ZRANB1: variants seen among roughly 807,000 people sequenced by gnomAD.
ZRANB1 encodes ubiquitin thioesterase ZRANB1.
ZRANB1 carries 16 observed loss-of-function variants against 80.5 expected under a neutral mutation model. That is an observed-to-expected ratio of 0.20 (90% CI 0.13 to 0.30). ZRANB1 has a LOEUF of 0.30. Ranked by LOEUF, ZRANB1 falls within the 10% of genes least tolerant of loss-of-function variation. The pLI is 1.00. For missense variants in ZRANB1, 576 were observed against 862.6 expected, an observed-to-expected ratio of 0.67 and a Z score of 4.16; for synonymous variants, 291 against 293.1, an observed-to-expected ratio of 0.99 and a Z score of 0.07.
chr10:124,929,499 C>G, the ZRANB1 span, among the ~76,000 whole-genome samples: 1 of 151,812 alleles, frequency 6.6e-6, no homozygotes, highest in African/African-American at 2.4e-5. Flanking sequence ...CCACACCTGG[C>G]TAATTTTTTT....
chr10:124,938,361 C>CA (rs1464111340), upstream of ZRANB1, among the ~76,000 whole-genome samples: 4 of 149,972 alleles, frequency 2.7e-5, no homozygotes, highest in Non-Finnish European at 3.0e-5. Context: ...TTTTTTGAGA[C>CA]AAAGTCTCAC....
intron 2 of ZRANB1, among the ~76,000 whole-genome samples, chr10:124,969,128 C>T (rs1214259172): frequency 6.6e-6 from 1 of 152,212 alleles, no homozygotes; most frequent in African/African-American, 2.4e-5. Context: ...CATGATACAG[C>T]AGCTGGTTTT....
At position 124,973,685 on chromosome 10, in the gene ZRANB1, T is replaced by C. The variant is rs765640593; in HGVS notation, c.1197T>C (p.Phe399=). 43 of 1,612,894 alleles carry C rather than the reference T, an allele frequency of 2.7e-5. No homozygotes were observed. In the South Asian group the frequency reaches 4.6e-4, roughly 17 times the overall value. The change falls in exon 4 of 9, where the codon TTT becomes TTC. Residue 399 remains phenylalanine, a synonymous_variant. Transcript: ENST00000359653. ...DLPPTVQEKL[F]DEVLDRDVQK... ...CCCCAACAGTCCAAGAAAAATTATTTGATGAGGTGCTTGATAGAGACGTTC... is the reference window on the plus strand; with the variant it reads ...CCCCAACAGTCCAAGAAAAATTATTCGATGAGGTGCTTGATAGAGACGTTC...
At chr10:124,957,674 CT>C (rs1564960037) in intron 1 of ZRANB1, among the ~76,000 whole-genome samples, 2 of 151,922 alleles carry the variant, frequency 1.3e-5, no homozygotes, top group African/African-American at 2.4e-5. Context: ...GCTTATTTCA[CT>C]TAGTATAATG....
At chr10:124,979,959 A>G (rs1162141451) in intron 5 of ZRANB1, among the ~76,000 whole-genome samples, 1 of 152,218 alleles carries the variant, frequency 6.6e-6, no homozygotes, top group African/African-American at 2.4e-5. Context: ...TCTGGACTGT[A>G]AGTCATTTGA....
At chr10:124,984,501 A>G (rs1356908660) in intron 8 of ZRANB1, 2 of 401,694 alleles carry the variant, frequency 5.0e-6, no homozygotes, top group African/African-American at 4.1e-5. Flanking sequence ...GTTTATTAGG[A>G]CATTTGTTTT....
In ZRANB1 at chr10:124,974,055, A is replaced by G. The variant is rs995632037; in HGVS notation, c.1229-145A>G. On this transcript the variant is annotated intron_variant, in intron 4 of 8. Transcript: ENST00000359653. ...ATGTTTCAAGTACTCAAAAGTTTAT[A>G]TTTCAATTGGTCAATTTTATTTAGG... 7.0e-5 allele frequency: 50 copies of G among 716,666 alleles called. No homozygotes were observed. In the Admixed American group the frequency reaches 1.1e-3, roughly 15 times the overall value. The allele number at this position is 716,666 out of a possible 1,614,324, so 44.4% of individuals were successfully genotyped here. A position where few individuals can be genotyped will look rare whatever the true frequency, so the allele number is the denominator to read the frequency against.
At chr10:124,954,446 GTTTTTTTT>G (rs1227693538) in intron 1 of ZRANB1, among the ~76,000 whole-genome samples, 2 of 123,646 alleles carry the variant, frequency 1.6e-5, no homozygotes. Context: ...TACATTAAAA[GTTTTTTTT>G]TTTTTTTTTT....
Position 124,986,283 on chromosome 10 carries a change from G to GCA in ZRANB1, c.*1292_*1293insAC, listed in dbSNP as rs1418013177. The GCA allele has an allele frequency of 1.1e-4, 5 of 45,374 alleles. No homozygotes were observed. Among genetic ancestry groups the GCA allele is most frequent in the African/African-American group, 1.6e-4 (3 of 18,598 alleles). 2.8% of individuals were successfully genotyped at this position (45,374 alleles called of 1,614,324 possible). A position where few individuals can be genotyped will look rare whatever the true frequency, so the allele number is the denominator to read the frequency against. The stretch of plus-strand genomic sequence containing the variant: ...ATTTGGAAAGACGACACACGCACGC[G>GCA]CGCGCGCGCACACACACACACACAC... On this transcript the variant is annotated 3_prime_UTR_variant, in exon 9 of 9. Coordinates refer to ENST00000359653, the MANE Select transcript of ZRANB1 (RefSeq NM_017580.3).
chr10:124,951,249 A>C (rs1423227962), intron 1 of ZRANB1, among the ~76,000 whole-genome samples: 1 of 152,158 alleles, frequency 6.6e-6, no homozygotes, highest in Admixed American at 6.5e-5. Flanking sequence ...GATTTTTTTA[A>C]AAAAAGTTTC....
At chr10:124,965,995 T>C (rs1951772717) in intron 1 of ZRANB1, among the ~76,000 whole-genome samples, 1 of 152,232 alleles carries the variant, frequency 6.6e-6, no homozygotes, top group South Asian at 2.1e-4. Context: ...ATTTTTACGT[T>C]ATTAATAATT....
the ZRANB1 span, among the ~76,000 whole-genome samples, chr10:124,926,420 T>C: frequency 6.6e-6 from 1 of 152,248 alleles, no homozygotes; most frequent in Non-Finnish European, 1.5e-5. Flanking sequence ...CCTTACCTTA[T>C]AAGCTTTTTT....
the ZRANB1 span, among the ~76,000 whole-genome samples, chr10:124,928,125 T>A: frequency 6.6e-6 from 1 of 152,180 alleles, no homozygotes. Flanking sequence ...GTGGGAACAT[T>A]TAAGCTGGTC....
upstream of ZRANB1, among the ~76,000 whole-genome samples, chr10:124,941,527 A>G (rs775965163): frequency 4.6e-5 from 7 of 151,942 alleles, no homozygotes; most frequent in Non-Finnish European, 1.0e-4. Context: ...TAATTTTTGT[A>G]TTTTTATAGA....
At chr10:124,932,152 T>C in the ZRANB1 span, among the ~76,000 whole-genome samples, 1 of 152,202 alleles carries the variant, frequency 6.6e-6, no homozygotes, top group Non-Finnish European at 1.5e-5. Context: ...GCCCATTTGT[T>C]TTTAGAGCTG....
the ZRANB1 span, among the ~76,000 whole-genome samples, chr10:124,926,943 C>T: frequency 6.6e-6 from 1 of 152,094 alleles, no homozygotes; most frequent in African/African-American, 2.4e-5. Flanking sequence ...GTTATGCAGG[C>T]TATCACTGTA....
chr10:124,950,028 C>A (rs1017961638), intron 1 of ZRANB1, among the ~76,000 whole-genome samples: 1 of 152,110 alleles, frequency 6.6e-6, no homozygotes, highest in Non-Finnish European at 1.5e-5. Flanking sequence ...GATTATAATT[C>A]TGATGGTTTC....
At chr10:124,959,123 C>CAGGAT (rs1461780359) in intron 1 of ZRANB1, among the ~76,000 whole-genome samples, 2 of 152,120 alleles carry the variant, frequency 1.3e-5, no homozygotes, top group Non-Finnish European at 2.9e-5. Flanking sequence ...TTTAGCAAGC[C>CAGGAT]AGGATAGCTC....
chr10:124,987,366 A>ATT lies in ZRANB1; in HGVS notation c.*2375_*2376insTT, dbSNP rs1460165792. Reference sequence around the variant, plus strand: ...TGTTCTTCCTTGGGGTCAAATTTATATATATATATATAAATTTTTGTTTGG... The same window carrying ATT: ...TGTTCTTCCTTGGGGTCAAATTTATATTTATATATATATAAATTTTTGTTTGG... On this transcript the variant is annotated 3_prime_UTR_variant, in exon 9 of 9. Coordinates refer to ENST00000359653, the MANE Select transcript of ZRANB1 (RefSeq NM_017580.3). 2 of 151,590 alleles carry ATT rather than the reference A, an allele frequency of 1.3e-5. No homozygotes were observed. The highest frequency in any genetic ancestry group is 2.9e-5 in the Non-Finnish European group (2 of 67,942). 9.4% of individuals were successfully genotyped at this position (151,590 alleles called of 1,614,324 possible). A position where few individuals can be genotyped will look rare whatever the true frequency, so the allele number is the denominator to read the frequency against.
Sources: allele counts gnomAD v4.1 joint callset (sites outside exome capture counted in the v4.1 genomes callset), GRCh38; gene constraint gnomAD v4.1.1; transcripts MANE v1.5; gene names NCBI Gene and HGNC (gene_info 2026-07-23, HGNC 2026-07-21).